The following NSD1 variants were observed in gnomAD, a reference collection of about 807,000 sequenced individuals.
NSD1 encodes histone-lysine N-methyltransferase, H3 lysine-36 specific.
A neutral mutation model predicts 242.7 loss-of-function variants in NSD1; 26 were observed. The ratio of observed to expected loss-of-function variants is 0.11; its 90% CI spans 0.08 to 0.15. The LOEUF is 0.15. NSD1 is among the 10% of genes least tolerant of loss of function. NSD1 has a pLI of 1.00. For missense variants in NSD1, 2,495 were observed against 3,272.8 expected, an observed-to-expected ratio of 0.76 and a Z score of 5.80; for synonymous variants, 1,106 against 1,178.1, an observed-to-expected ratio of 0.94 and a Z score of 1.25.
intron 2 of NSD1, among the ~76,000 whole-genome samples, chr5:177,143,612 G>T (rs1331426285): frequency 6.6e-6 from 1 of 151,946 alleles, no homozygotes; most frequent in Non-Finnish European, 1.5e-5. Context: ...GAGCCACTGA[G>T]CCTGGCCAAG....
At chr5:177,164,812 A>T (rs1270381351) in intron 2 of NSD1, among the ~76,000 whole-genome samples, 1 of 151,930 alleles carries the variant, frequency 6.6e-6, no homozygotes, top group Non-Finnish European at 1.5e-5. Context: ...GCATGGTGGC[A>T]GGTGCCTGTA....
At chr5:177,157,902 T>C (rs1212861382) in intron 2 of NSD1, among the ~76,000 whole-genome samples, 1 of 152,230 alleles carries the variant, frequency 6.6e-6, no homozygotes, top group African/African-American at 2.4e-5. Flanking sequence ...GCATAATGTT[T>C]TAAGGCCCAT....
intron 6 of NSD1, among the ~76,000 whole-genome samples, chr5:177,237,263 G>A (rs1765520026): frequency 6.6e-6 from 1 of 152,048 alleles, no homozygotes; most frequent in Non-Finnish European, 1.5e-5. Flanking sequence ...TTAACTGATA[G>A]TCTCTTTCAT....
At chr5:177,291,112 G>C (rs553529922) in intron 21 of NSD1, among the ~76,000 whole-genome samples, 1 of 152,338 alleles carries the variant, frequency 6.6e-6, no homozygotes, top group South Asian at 2.1e-4. Context: ...TGGTGACCAA[G>C]TGTGGGCTGC....
At chr5:177,199,442 A>C (rs1762343572) in intron 3 of NSD1, among the ~76,000 whole-genome samples, 1 of 152,070 alleles carries the variant, frequency 6.6e-6, no homozygotes, top group African/African-American at 2.4e-5. Flanking sequence ...ATTTTTTTAT[A>C]GACAGGGTCT....
At chr5:177,137,174 G>C (rs897669523) in intron 2 of NSD1, 2 of 360,440 alleles carry the variant, frequency 5.5e-6, no homozygotes, top group Non-Finnish European at 9.8e-6. Context: ...CAATTTTATT[G>C]CGTCTAAATT....
intron 2 of NSD1, among the ~76,000 whole-genome samples, chr5:177,147,941 A>G (rs773906597): frequency 6.6e-5 from 10 of 151,972 alleles, no homozygotes; most frequent in Non-Finnish European, 2.9e-5. Context: ...CAAATATACC[A>G]TGGTTTGCTT....
chr5:177,222,490 C>T (rs1764315760), intron 5 of NSD1, among the ~76,000 whole-genome samples: 1 of 152,160 alleles, frequency 6.6e-6, no homozygotes, highest in Non-Finnish European at 1.5e-5. Flanking sequence ...GTTCCACTTC[C>T]TCCATATGCT....
At chr5:177,184,181 A>G (rs1721076008) in intron 2 of NSD1, among the ~76,000 whole-genome samples, 1 of 152,104 alleles carries the variant, frequency 6.6e-6, no homozygotes, top group African/African-American at 2.4e-5. Flanking sequence ...TGGTAGCTCT[A>G]TTTTTAGTTT....
chr5:177,226,826 A>T (rs1175821342), intron 5 of NSD1, among the ~76,000 whole-genome samples: 1 of 152,138 alleles, frequency 6.6e-6, no homozygotes, highest in African/African-American at 2.4e-5. Flanking sequence ...AAAAATTTTG[A>T]GTAAAGTATG....
At chr5:177,167,461 G>A (rs965070622) in intron 2 of NSD1, among the ~76,000 whole-genome samples, 15 of 152,096 alleles carry the variant, frequency 9.9e-5, no homozygotes, top group Non-Finnish European at 1.9e-4. Context: ...CTTGAACCTG[G>A]GAGGCAGAGG....
intron 14 of NSD1, among the ~76,000 whole-genome samples, chr5:177,261,468 A>T (rs1756997773): frequency 6.6e-6 from 1 of 151,936 alleles, no homozygotes; most frequent in African/African-American, 2.4e-5. Flanking sequence ...ATCATCCCTG[A>T]CAACTTGATT....
rs751248099 is a variant in NSD1 at position 177,299,738 on chromosome 5, C to G, written c.*4279C>G. On this transcript the variant is annotated 3_prime_UTR_variant, in exon 23 of 23. Transcript: ENST00000439151. ...AAAACATCAGGTTATTGTGGGGCTT[C>G]AGGTGTAAGGTCCTGGAAGTTCAGC... The G allele has an allele frequency of 6.0e-5, 14 of 233,156 alleles. No individual in the cohort carries two copies. The highest frequency in any genetic ancestry group is 1.2e-4 in the Non-Finnish European group (14 of 118,068). The allele number at this position is 233,156 out of a possible 1,614,324, so 14.4% of individuals were successfully genotyped here.
chr5:177,211,188 C>T lies in NSD1; in HGVS notation c.2789C>T (p.Ala930Val), dbSNP rs551511834. The change falls in exon 5 of 23, where the codon GCT becomes GTT. Residue 930 changes from alanine (A) to valine (V), a missense_variant. By Grantham distance (64) the Ala-to-Val change is moderately conservative (BLOSUM62 0). This residue lies in a region of NSD1 where 121 missense variants were observed against 167.2 expected (regional missense o/e 0.72). Transcript: ENST00000439151. ...ACGAAGGAGCAGCGGTTGATGACTGCTCAAAACCTGGTCTCTTACCGGAGT... is the reference window on the plus strand; with the variant it reads ...ACGAAGGAGCAGCGGTTGATGACTGTTCAAAACCTGGTCTCTTACCGGAGT... ...SKTKEQRLMT[A>V]QNLVSYRSPG... 8.1e-6 allele frequency: 13 copies of T among 1,613,878 alleles called. No homozygotes were observed. Among genetic ancestry groups the T allele is most frequent in the Non-Finnish European group, 1.1e-5 (13 of 1,179,892 alleles).
chr5:177,292,186 T>C (rs375672840), intron 22 of NSD1, 28 bp downstream of exon 22: 17 of 1,608,072 alleles, frequency 1.1e-5, no homozygotes, highest in African/African-American at 4.0e-5. Context: ...TTTGTACCGC[T>C]ACTCGTTCTC....
intron 2 of NSD1, among the ~76,000 whole-genome samples, chr5:177,168,888 AGTG>A (rs1371501274): frequency 5.3e-5 from 8 of 152,214 alleles, no homozygotes; most frequent in Non-Finnish European, 8.8e-5. Context: ...TGCTTGAAGA[AGTG>A]GTAGTCAGTT....
chr5:177,169,589 C>T (rs898936905), intron 2 of NSD1: 14 of 161,720 alleles, frequency 8.7e-5, no homozygotes, highest in East Asian at 1.8e-4. Flanking sequence ...CTGGGGCAAA[C>T]GTGTTGTTGA....
At chr5:177,145,924 A>C (rs1225186949) in intron 2 of NSD1, among the ~76,000 whole-genome samples, 1 of 150,374 alleles carries the variant, frequency 6.7e-6, no homozygotes, top group African/African-American at 2.5e-5. Context: ...AAAAAAAAAA[A>C]AATCAGGAAA....
intron 2 of NSD1, among the ~76,000 whole-genome samples, chr5:177,168,780 C>T (rs564508163): frequency 3.9e-5 from 6 of 152,170 alleles, no homozygotes; most frequent in Admixed American, 2.0e-4. Context: ...ATACCTGTAG[C>T]GTAAAAATCC....
Sources: allele counts gnomAD v4.1 joint callset (sites outside exome capture counted in the v4.1 genomes callset), GRCh38; gene constraint gnomAD v4.1.1; regional missense constraint gnomAD v4.1.1; transcripts MANE v1.5; gene names NCBI Gene and HGNC (gene_info 2026-07-23, HGNC 2026-07-21).